The following DNM3 variants were observed in gnomAD, a reference collection of about 807,000 sequenced individuals.
DNM3 encodes dynamin 3.
A neutral mutation model predicts 101.6 loss-of-function variants in DNM3; 47 were observed. That is an observed-to-expected ratio of 0.46 (90% CI 0.37 to 0.59). The LOEUF is 0.59. DNM3 is among the 20% of genes least tolerant of loss of function. The pLI, the probability that DNM3 is intolerant of heterozygous loss-of-function variation, is 0.00. For synonymous variants in DNM3, 385 were observed against 387.9 expected (o/e 0.99, Z 0.09); for missense variants, 849 against 1,085.7 (o/e 0.78, Z 3.06).
intron 15 of DNM3, among the ~76,000 whole-genome samples, chr1:172,255,543 A>G (rs868131097): frequency 1.3e-5 from 2 of 152,150 alleles, no homozygotes; most frequent in African/African-American, 2.4e-5. Context: ...ATAAAATACA[A>G]CTGTGGATTT....
chr1:172,249,650 A>T (rs995308415), intron 14 of DNM3, among the ~76,000 whole-genome samples: 2 of 152,166 alleles, frequency 1.3e-5, no homozygotes, highest in Admixed American at 6.6e-5. Flanking sequence ...AGTATGCAGA[A>T]GTTCTTTTAT....
intron 14 of DNM3, among the ~76,000 whole-genome samples, chr1:172,159,375 G>A (rs1268031395): frequency 2.0e-5 from 3 of 151,950 alleles, no homozygotes; most frequent in African/African-American, 2.4e-5. Context: ...ATCTCACATT[G>A]AGTTATTGTC....
intron 20 of DNM3, among the ~76,000 whole-genome samples, chr1:172,395,713 C>CCA (rs2069926579): frequency 6.6e-6 from 1 of 152,208 alleles, no homozygotes; most frequent in Non-Finnish European, 1.5e-5. Flanking sequence ...AATCCTTTAG[C>CCA]TTACCATTGC....
intron 1 of DNM3, among the ~76,000 whole-genome samples, chr1:171,901,132 G>GAAAAAAAAA (rs2038306442): frequency 1.0e-5 from 1 of 97,426 alleles, no homozygotes. Flanking sequence ...AAAAAAAAAA[G>GAAAAAAAAA]AAAGAAATCT....
chr1:171,930,882 C>T (rs1297709805), intron 2 of DNM3, among the ~76,000 whole-genome samples: 1 of 152,162 alleles, frequency 6.6e-6, no homozygotes, highest in Non-Finnish European at 1.5e-5. Flanking sequence ...TATTTCTATA[C>T]ATTTGTGATG....
At chr1:172,300,446 A>T (rs1202003869) in intron 15 of DNM3, among the ~76,000 whole-genome samples, 1 of 152,034 alleles carries the variant, frequency 6.6e-6, no homozygotes, top group Admixed American at 6.6e-5. Flanking sequence ...TTGAGTATTT[A>T]GTCATAAATT....
intron 15 of DNM3, among the ~76,000 whole-genome samples, chr1:172,271,864 C>T (rs1343432321): frequency 6.6e-6 from 1 of 152,058 alleles, no homozygotes; most frequent in Admixed American, 6.6e-5. Flanking sequence ...TTTCATTCTA[C>T]AATGCTTAAA....
chr1:172,241,151 A>G (rs2061733066), intron 14 of DNM3, among the ~76,000 whole-genome samples: 1 of 151,976 alleles, frequency 6.6e-6, no homozygotes, highest in Admixed American at 6.6e-5. Flanking sequence ...AAAGTTGCTC[A>G]AATGCCATCT....
At chr1:172,265,406 G>C (rs2062820977) in intron 15 of DNM3, among the ~76,000 whole-genome samples, 1 of 152,124 alleles carries the variant, frequency 6.6e-6, no homozygotes, top group Admixed American at 6.6e-5. Flanking sequence ...CTTGAGGAGA[G>C]CGAATTTCAC....
intron 14 of DNM3, 106 bp downstream of exon 14, chr1:172,131,394 A>G (rs2056927988): frequency 2.2e-6 from 2 of 902,158 alleles, no homozygotes; most frequent in Admixed American, 4.2e-5. Context: ...GTTCTCTTTC[A>G]GTGAGATTAA....
In DNM3 at chr1:172,322,822, CTT is replaced by C. The variant is rs112152513; in HGVS notation, c.1882-495_1882-494del. ...TCCTTTCCTCTGCTCTCTTTTCCTT[CTT>C]TTTTTTTTTTTCCACCTTCTTTGAA... On this transcript the variant is annotated intron_variant, in intron 16 of 20. Coordinates refer to ENST00000627582, the MANE Select transcript of DNM3 (RefSeq NM_015569.5). Among the ~76,000 whole-genome samples the C allele has an allele frequency of 8.1e-3, 1,176 of 145,382 alleles. 14 individuals are homozygous for C. The highest frequency in any genetic ancestry group is 0.028 in the African/African-American group (1,117 of 40,044).
intron 10 of DNM3, among the ~76,000 whole-genome samples, chr1:172,055,989 C>T (rs777919732): frequency 1.2e-4 from 18 of 152,240 alleles, no homozygotes; most frequent in Non-Finnish European, 2.5e-4. Context: ...GTGCGTGCAC[C>T]GTGCACGAGC....
chr1:172,076,502 T>C (rs2052659439), intron 11 of DNM3, among the ~76,000 whole-genome samples: 2 of 152,170 alleles, frequency 1.3e-5, no homozygotes, highest in South Asian at 4.1e-4. Flanking sequence ...CAATACCTAG[T>C]TTATTGAGAG....
At chr1:171,981,652 C>G (rs1353620754) in intron 2 of DNM3, among the ~76,000 whole-genome samples, 1 of 152,150 alleles carries the variant, frequency 6.6e-6, no homozygotes, top group Non-Finnish European at 1.5e-5. Context: ...AATTATAGCT[C>G]TGATTTTTTA....
At chr1:172,319,731 A>G (rs989394575) in intron 16 of DNM3, among the ~76,000 whole-genome samples, 1 of 152,250 alleles carries the variant, frequency 6.6e-6, no homozygotes, top group Non-Finnish European at 1.5e-5. Context: ...GTCAGGAAAC[A>G]ACAGATGCTG....
At chr1:172,250,077 G>T (rs577318116) in intron 14 of DNM3, among the ~76,000 whole-genome samples, 1 of 152,100 alleles carries the variant, frequency 6.6e-6, no homozygotes, top group Non-Finnish European at 1.5e-5. Flanking sequence ...ATTTTCAAAT[G>T]TAATGCACTT....
At chr1:171,985,108 T>C (rs756192345) in intron 2 of DNM3, among the ~76,000 whole-genome samples, 2 of 152,224 alleles carry the variant, frequency 1.3e-5, no homozygotes, top group Non-Finnish European at 2.9e-5. Context: ...AACTGGAATG[T>C]ATCGATTAGC....
At chr1:171,992,119 C>T (rs1481585372) in intron 4 of DNM3, among the ~76,000 whole-genome samples, 1 of 151,982 alleles carries the variant, frequency 6.6e-6, no homozygotes, top group African/African-American at 2.4e-5. Context: ...TAAATGTAAA[C>T]TAAAAAAATT....
At chr1:172,309,351 G>A (rs1022574604) in intron 16 of DNM3, 8 of 152,276 alleles carry the variant, frequency 5.3e-5, no homozygotes, top group African/African-American at 1.9e-4. Flanking sequence ...GAAATATATT[G>A]CTATTTCCAC....
Sources: gnomAD v4.1 joint callset for allele counts (sites outside exome capture counted in the v4.1 genomes callset) on GRCh38, gnomAD v4.1.1 for gene constraint, MANE v1.5 for transcripts, NCBI Gene and HGNC (gene_info 2026-07-23, HGNC 2026-07-21) for gene names.